Variants in USP32 observed in about 807,000 individuals in gnomAD.
The protein encoded by USP32 is ubiquitin carboxyl-terminal hydrolase 32.
USP32 carries 59 observed loss-of-function variants against 204.8 expected under a neutral mutation model. The ratio of observed to expected loss-of-function variants is 0.29; its 90% CI spans 0.23 to 0.36. The LOEUF is 0.36. USP32 is among the 10% of genes least tolerant of loss of function. USP32 has a pLI of 1.00. For missense variants in USP32, 1,160 were observed against 1,946.4 expected (o/e 0.60, Z 7.60); for synonymous variants, 517 against 678.4 (o/e 0.76, Z 3.70).
chr17:60,264,881 A>G (rs113943940), intron 9 of USP32, among the ~76,000 whole-genome samples: 4,147 of 139,244 alleles, frequency 0.03, 47 homozygotes, highest in East Asian at 0.051. Flanking sequence ...AAAAAAAAAA[A>G]AGAGAGAGAG....
chr17:60,378,413 A>G (rs2089588948), intron 1 of USP32, among the ~76,000 whole-genome samples: 1 of 152,152 alleles, frequency 6.6e-6, no homozygotes, highest in Non-Finnish European at 1.5e-5. Flanking sequence ...TAAATATAGA[A>G]TTACCATATG....
chr17:60,276,617 C>T (rs984581747), intron 5 of USP32, among the ~76,000 whole-genome samples: 10 of 152,018 alleles, frequency 6.6e-5, no homozygotes, highest in Non-Finnish European at 1.3e-4. Context: ...AATAGGTGTT[C>T]AATAAGTACT....
chr17:60,278,618 A>T (rs1448789408), intron 5 of USP32, among the ~76,000 whole-genome samples: 1 of 152,186 alleles, frequency 6.6e-6, no homozygotes, highest in African/African-American at 2.4e-5. Flanking sequence ...AAAAAGGATC[A>T]CCTATAGAAA....
At chr17:60,218,256 C>T (rs1255757619) in intron 16 of USP32, among the ~76,000 whole-genome samples, 6 of 151,800 alleles carry the variant, frequency 4.0e-5, no homozygotes, top group African/African-American at 1.2e-4. Flanking sequence ...TGGTGGTGGG[C>T]GCCTGTAGTC....
At chr17:60,293,057 T>C (rs895033358) in intron 4 of USP32, among the ~76,000 whole-genome samples, 2 of 152,226 alleles carry the variant, frequency 1.3e-5, no homozygotes, top group African/African-American at 2.4e-5. Context: ...TCACTTGCTA[T>C]AAATTATTTA....
chr17:60,396,469 G>T (rs945820076), upstream of USP32, among the ~76,000 whole-genome samples: 6 of 152,128 alleles, frequency 3.9e-5, no homozygotes, highest in Non-Finnish European at 7.4e-5. Flanking sequence ...TTGAAAGAAT[G>T]ACTAAAAATA....
chr17:60,350,585 G>A (rs1002908107), intron 1 of USP32, among the ~76,000 whole-genome samples: 3 of 152,184 alleles, frequency 2.0e-5, no homozygotes, highest in South Asian at 2.1e-4. Flanking sequence ...CACCGTGCCC[G>A]GCCCAGGTGT....
chr17:60,228,632 A>G (rs1337695647), intron 12 of USP32, among the ~76,000 whole-genome samples: 1 of 151,052 alleles, frequency 6.6e-6, no homozygotes, highest in Non-Finnish European at 1.5e-5. Flanking sequence ...AGCCCGAGCA[A>G]CGTGGATAGA....
intron 1 of USP32, among the ~76,000 whole-genome samples, chr17:60,379,599 A>G (rs2089611943): frequency 6.6e-6 from 1 of 152,176 alleles, no homozygotes; most frequent in Non-Finnish European, 1.5e-5. Flanking sequence ...ACAATTGTCT[A>G]TCTTCTAATA....
intron 1 of USP32, among the ~76,000 whole-genome samples, chr17:60,383,812 T>C (rs2146120919): frequency 6.6e-6 from 1 of 152,378 alleles, no homozygotes; most frequent in Non-Finnish European, 1.5e-5. Context: ...GGTTGGAGTT[T>C]TAAGCAGGAA....
chr17:60,334,289 A>C (rs905469323), intron 2 of USP32, among the ~76,000 whole-genome samples: 1 of 152,132 alleles, frequency 6.6e-6, no homozygotes, highest in African/African-American at 2.4e-5. Context: ...GTTTGTATGC[A>C]TAAGGTTTGA....
At chr17:60,308,045 G>A (rs533345335) in intron 2 of USP32, among the ~76,000 whole-genome samples, 3 of 152,246 alleles carry the variant, frequency 2.0e-5, no homozygotes, top group African/African-American at 7.2e-5. Context: ...CGACTCCAGG[G>A]GAAAACTGCC....
At chr17:60,388,928 C>A (rs937367902) in intron 1 of USP32, among the ~76,000 whole-genome samples, 9 of 152,136 alleles carry the variant, frequency 5.9e-5, no homozygotes, top group African/African-American at 1.7e-4. Flanking sequence ...TTCCAAGGCC[C>A]CGCTTTGCAA....
upstream of USP32, among the ~76,000 whole-genome samples, chr17:60,394,801 T>C (rs2089888792): frequency 6.6e-6 from 1 of 152,186 alleles, no homozygotes; most frequent in African/African-American, 2.4e-5. Flanking sequence ...TGGAATGCAG[T>C]GGCGCAATCT....
rs1456618098 is a variant in USP32 at position 60,256,831 on chromosome 17, G to T, written c.991-1573C>A. 8.2e-6 allele frequency: 8 copies of T among 970,926 alleles called. No individual in the cohort carries two copies. In the East Asian group the frequency reaches 4.6e-4, roughly 56 times the overall value. 60.1% of individuals were successfully genotyped at this position (970,926 alleles called of 1,614,324 possible). A position where few individuals can be genotyped will look rare whatever the true frequency, so the allele number is the denominator to read the frequency against. On this transcript the variant is annotated intron_variant, in intron 9 of 33. Coordinates refer to ENST00000300896, the MANE Select transcript of USP32 (RefSeq NM_032582.4). ...CATACTTATAGGTGAATTCTGGATT[G>T]GGCCAGTCAACATTAATCAACTTAT...
At chr17:60,263,335 C>A (rs1051357804) in intron 9 of USP32, among the ~76,000 whole-genome samples, 1 of 152,094 alleles carries the variant, frequency 6.6e-6, no homozygotes, top group Non-Finnish European at 1.5e-5. Flanking sequence ...ATCTCTTGAG[C>A]CACTACAGAG....
intron 4 of USP32, 144 bp downstream of exon 4, chr17:60,294,539 C>A: frequency 1.9e-6 from 1 of 527,562 alleles, no homozygotes. Context: ...TGCAATAGCA[C>A]ATAAATGGAA....
At chr17:60,399,159 AAT>A (rs1378952508) in intron 1 of USP32, among the ~76,000 whole-genome samples, 1 of 152,282 alleles carries the variant, frequency 6.6e-6, no homozygotes, top group African/African-American at 2.4e-5. Flanking sequence ...ACTCTTAACA[AAT>A]CCACTGTGCC....
intron 11 of USP32, among the ~76,000 whole-genome samples, chr17:60,242,169 T>TA (rs2085895288): frequency 6.6e-6 from 1 of 152,178 alleles, no homozygotes; most frequent in Admixed American, 6.5e-5. Flanking sequence ...ATGAGGTGGC[T>TA]ATTCACAGGT....
Sources: allele counts gnomAD v4.1 joint callset (sites outside exome capture counted in the v4.1 genomes callset), GRCh38; gene constraint gnomAD v4.1.1; transcripts MANE v1.5; gene names NCBI Gene and HGNC (gene_info 2026-07-23, HGNC 2026-07-21).